Variants in ZFPM2 observed in about 807,000 individuals in gnomAD.
ZFPM2 encodes the protein zinc finger protein, FOG family member 2.
ZFPM2 carries 20 observed loss-of-function variants against 98.6 expected under a neutral mutation model. The observed-to-expected ratio is 0.20, with a 90% CI of 0.14 to 0.29. The LOEUF is 0.29. ZFPM2 is among the 10% of genes least tolerant of loss of function. ZFPM2 has a pLI of 1.00. For missense variants in ZFPM2, 1,310 were observed against 1,388.6 expected, an observed-to-expected ratio of 0.94 and a Z score of 0.90; for synonymous variants, 518 against 502.7, an observed-to-expected ratio of 1.03 and a Z score of -0.41.
At chr8:105,700,434 A>C (rs1191483245) in intron 5 of ZFPM2, among the ~76,000 whole-genome samples, 1 of 152,228 alleles carries the variant, frequency 6.6e-6, no homozygotes, top group Non-Finnish European at 1.5e-5. Context: ...TTGATTAATA[A>C]TACATATTAG....
chr8:105,322,882 C>A (rs377669536), intron 1 of ZFPM2, among the ~76,000 whole-genome samples: 1 of 151,932 alleles, frequency 6.6e-6, no homozygotes, highest in Non-Finnish European at 1.5e-5. Flanking sequence ...GATGATATAA[C>A]AATTTTAGGC....
chr8:105,549,527 C>CTTCCTTCCTTCT (rs1563713736), intron 3 of ZFPM2, among the ~76,000 whole-genome samples: 6 of 123,328 alleles, frequency 4.9e-5, no homozygotes, highest in Non-Finnish European at 1.0e-4. Flanking sequence ...ATCTTCCTTC[C>CTTCCTTCCTTCT]TTCCTTCCTT....
At chr8:105,446,425 G>C (rs1292601350) in intron 3 of ZFPM2, among the ~76,000 whole-genome samples, 1 of 152,056 alleles carries the variant, frequency 6.6e-6, no homozygotes, top group Non-Finnish European at 1.5e-5. Flanking sequence ...TTGGGAGTAA[G>C]TAAGCAAATT....
At chr8:105,726,640 C>T (rs1811814007) in intron 5 of ZFPM2, among the ~76,000 whole-genome samples, 1 of 151,736 alleles carries the variant, frequency 6.6e-6, no homozygotes, top group African/African-American at 2.4e-5. Flanking sequence ...AATCCCTAGT[C>T]ATAAATGAGT....
chr8:105,330,597 T>TATATACATATATATATAC (rs1812205565), intron 1 of ZFPM2, among the ~76,000 whole-genome samples: 1 of 71,440 alleles, frequency 1.4e-5, no homozygotes, highest in Non-Finnish European at 2.8e-5. Context: ...TATATATACA[T>TATATACATATATATATAC]ATATATATAT....
At chr8:105,490,179 G>A (rs1191081071) in intron 3 of ZFPM2, among the ~76,000 whole-genome samples, 3 of 152,026 alleles carry the variant, frequency 2.0e-5, no homozygotes, top group Non-Finnish European at 4.4e-5. Flanking sequence ...CCCGGGAGGC[G>A]GAGGTTGCAG....
intron 1 of ZFPM2, among the ~76,000 whole-genome samples, chr8:105,329,674 A>G (rs1812176076): frequency 6.6e-6 from 1 of 151,768 alleles, no homozygotes; most frequent in Admixed American, 6.6e-5. Flanking sequence ...AAATTAATCT[A>G]GAGTTATCAG....
At chr8:105,509,979 A>G (rs545931514) in intron 3 of ZFPM2, among the ~76,000 whole-genome samples, 81 of 152,174 alleles carry the variant, frequency 5.3e-4, no homozygotes, top group African/African-American at 1.9e-3. Flanking sequence ...CATCGATTTC[A>G]TATTCTTGTA....
chr8:105,493,422 G>T (rs1225418179), intron 3 of ZFPM2, among the ~76,000 whole-genome samples: 1 of 152,174 alleles, frequency 6.6e-6, no homozygotes, highest in Non-Finnish European at 1.5e-5. Flanking sequence ...AGATGATGAA[G>T]TCCACAATTT....
At chr8:105,485,958 C>T (rs1813222951) in intron 3 of ZFPM2, among the ~76,000 whole-genome samples, 2 of 151,950 alleles carry the variant, frequency 1.3e-5, no homozygotes, top group South Asian at 4.2e-4. Context: ...TAAGCATGGC[C>T]CGATTTAGAT....
chr8:105,638,257 G>A (rs1334958682), intron 5 of ZFPM2, among the ~76,000 whole-genome samples: 7 of 151,926 alleles, frequency 4.6e-5, no homozygotes, highest in Admixed American at 4.6e-4. Context: ...GACTCTCCTA[G>A]GCAGGCCATA....
intron 1 of ZFPM2, among the ~76,000 whole-genome samples, chr8:105,401,611 T>A (rs1468374171): frequency 6.6e-6 from 1 of 152,122 alleles, no homozygotes; most frequent in Non-Finnish European, 1.5e-5. Context: ...TTACTTGTTT[T>A]ACTTTGGAGT....
intron 3 of ZFPM2, among the ~76,000 whole-genome samples, chr8:105,538,604 A>C (rs1400071737): frequency 6.6e-6 from 1 of 151,972 alleles, no homozygotes; most frequent in Non-Finnish European, 1.5e-5. Flanking sequence ...AGTTCAAAAC[A>C]TTATCCGTGA....
chr8:105,490,945 T>G (rs1165694558), intron 3 of ZFPM2, among the ~76,000 whole-genome samples: 1 of 152,160 alleles, frequency 6.6e-6, no homozygotes. Context: ...ACTATTGAAA[T>G]AAAATGATAA....
At chr8:105,554,044 A>C (rs1814926696) in intron 3 of ZFPM2, among the ~76,000 whole-genome samples, 2 of 152,266 alleles carry the variant, frequency 1.3e-5, no homozygotes, top group African/African-American at 4.8e-5. Flanking sequence ...TCGTATTTCA[A>C]GTTTATGTTC....
chr8:105,605,474 C>T (rs1476832168), intron 4 of ZFPM2, among the ~76,000 whole-genome samples: 1 of 152,046 alleles, frequency 6.6e-6, no homozygotes, highest in Non-Finnish European at 1.5e-5. Context: ...TTATCTACAT[C>T]ATTAAAACTG....
chr8:105,358,651 A>T (rs74451688), intron 1 of ZFPM2: 1 of 152,298 alleles, frequency 6.6e-6, no homozygotes, highest in Non-Finnish European at 1.5e-5. Context: ...AGCCATATAG[A>T]TGCTGAAGAT....
At chr8:105,687,973 G>T (rs1810779450) in intron 5 of ZFPM2, among the ~76,000 whole-genome samples, 1 of 152,020 alleles carries the variant, frequency 6.6e-6, no homozygotes, top group Non-Finnish European at 1.5e-5. Context: ...GTGAATTAAT[G>T]TTGGCTAAAA....
intron 1 of ZFPM2, among the ~76,000 whole-genome samples, chr8:105,338,822 T>C (rs1315679068): frequency 1.3e-5 from 2 of 151,888 alleles, no homozygotes; most frequent in African/African-American, 4.8e-5. Context: ...TGGTAGGACA[T>C]TGAGATTTTA....
Sources: gnomAD v4.1 joint callset for allele counts (sites outside exome capture counted in the v4.1 genomes callset) on GRCh38, gnomAD v4.1.1 for gene constraint, MANE v1.5 for transcripts, NCBI Gene and HGNC (gene_info 2026-07-23, HGNC 2026-07-21) for gene names.